TNPO1: variants seen among roughly 807,000 people sequenced by gnomAD.
The protein encoded by TNPO1 is transportin-1.
Under a neutral mutation model 119.5 loss-of-function variants are expected in TNPO1, and 8 were observed. The observed-to-expected ratio is 0.07, with a 90% CI of 0.04 to 0.12. TNPO1 has a LOEUF of 0.12. Ranked by LOEUF, TNPO1 falls within the 10% of genes least tolerant of loss-of-function variation. The probability of loss-of-function intolerance (pLI) is 1.00; values close to 1 mark genes in which losing one functional copy is unlikely to be tolerated. For synonymous variants in TNPO1, 362 were observed against 363.0 expected (o/e 1.00, Z 0.03); for missense variants, 576 against 1,089.8 (o/e 0.53, Z 6.64).
chr5:72,849,896 C>T (rs527646264), intron 2 of TNPO1, among the ~76,000 whole-genome samples: 1 of 152,266 alleles, frequency 6.6e-6, no homozygotes, highest in South Asian at 2.1e-4. Flanking sequence ...TAAGCCCAAT[C>T]CTGCATTGTA....
intron 1 of TNPO1, among the ~76,000 whole-genome samples, chr5:72,825,235 G>C (rs1187613814): frequency 1.3e-5 from 2 of 152,126 alleles, no homozygotes; most frequent in Non-Finnish European, 2.9e-5. Flanking sequence ...ACAGTAGCCA[G>C]AATAAACCTT....
Position 72,903,694 on chromosome 5 carries a change from TCTTG to T in TNPO1, c.2515-10_2515-7del. ...ATACAATATCAACCTAAGATGTATT[TCTTG>T]CTTGTTACAGGATTTTATATTTTTT... On this transcript the variant is annotated splice_polypyrimidine_tract_variant and intron_variant, in intron 22 of 24. Coordinates refer to ENST00000337273, the MANE Select transcript of TNPO1 (RefSeq NM_002270.4). The T allele has an allele frequency of 3.8e-6, 6 of 1,583,594 alleles. No individual in the cohort carries two copies. Among genetic ancestry groups the T allele is most frequent in the Non-Finnish European group, 5.2e-6 (6 of 1,158,948 alleles).
At chr5:72,900,335 T>A (rs775472150) in intron 21 of TNPO1, among the ~76,000 whole-genome samples, 1 of 152,180 alleles carries the variant, frequency 6.6e-6, no homozygotes, top group Non-Finnish European at 1.5e-5. Context: ...TTAAAAAAGC[T>A]TGATTATACA....
At chr5:72,868,149 A>G (rs921799097) in intron 6 of TNPO1, among the ~76,000 whole-genome samples, 5 of 152,106 alleles carry the variant, frequency 3.3e-5, no homozygotes, top group African/African-American at 7.2e-5. Flanking sequence ...AGAGCTTAAT[A>G]TGGCCGGGCG....
chr5:72,901,970 G>A (rs1749827084), intron 22 of TNPO1, among the ~76,000 whole-genome samples: 1 of 152,024 alleles, frequency 6.6e-6, no homozygotes, highest in Non-Finnish European at 1.5e-5. Flanking sequence ...CAGCTCTCGG[G>A]AGGTTGAGGC....
In TNPO1 at chr5:72,911,615, G is replaced by A. The variant is rs879215437; in HGVS notation, c.*2942G>A. The A allele has an allele frequency of 1.3e-5, 2 of 152,596 alleles. No homozygotes were observed. Among genetic ancestry groups the A allele is most frequent in the South Asian group, 4.1e-4 (2 of 4,828 alleles). 9.5% of individuals were successfully genotyped at this position (152,596 alleles called of 1,614,324 possible). ...TGGTGTAGTCTTAATAGTTTTGAATGTTGACTGAATGTCTATAAAATTGTG... is the reference window on the plus strand; with the variant it reads ...TGGTGTAGTCTTAATAGTTTTGAATATTGACTGAATGTCTATAAAATTGTG... On this transcript the variant is annotated 3_prime_UTR_variant, in exon 25 of 25. Coordinates refer to ENST00000337273, the MANE Select transcript of TNPO1 (RefSeq NM_002270.4).
At chr5:72,907,129 T>C (rs573195967) in intron 24 of TNPO1, among the ~76,000 whole-genome samples, 38 of 152,232 alleles carry the variant, frequency 2.5e-4, no homozygotes, top group African/African-American at 8.7e-4. Context: ...ATATGTGTTG[T>C]CCTACTTCAG....
At chr5:72,865,405 G>GCACT (rs1554051527) in intron 5 of TNPO1, among the ~76,000 whole-genome samples, 191 bp from the exon 6 acceptor site, 123,846 of 150,732 alleles carry the variant, frequency 0.82, 51,144 homozygotes, top group Non-Finnish European at 0.86. Flanking sequence ...TGGTGCCACT[G>GCACT]CCAGCCTGGG....
intron 1 of TNPO1, chr5:72,847,993 T>C: frequency 1.1e-6 from 1 of 935,122 alleles, no homozygotes; most frequent in Non-Finnish European, 1.3e-6. Context: ...CTTGACTTTT[T>C]ATTAGCCCTT....
chr5:72,898,737 G>T (rs1356266488), intron 20 of TNPO1, among the ~76,000 whole-genome samples: 1 of 151,998 alleles, frequency 6.6e-6, no homozygotes, highest in African/African-American at 2.4e-5. Context: ...TCATTGGATT[G>T]TTCATACTTG....
chr5:72,905,233 A>G (rs1750061756), intron 23 of TNPO1, 70 bp from the exon 24 acceptor site: 3 of 1,186,814 alleles, frequency 2.5e-6, no homozygotes, highest in Non-Finnish European at 3.7e-6. Flanking sequence ...GCTGTGTTGG[A>G]TTTCAGAAGC....
At chr5:72,883,260 G>A in intron 11 of TNPO1, 28 bp downstream of exon 11, 1 of 1,073,222 alleles carries the variant, frequency 9.3e-7, no homozygotes, top group Non-Finnish European at 1.4e-6. Flanking sequence ...AAGCACAGTT[G>A]CCTACTTTGA....
chr5:72,824,038 C>A (rs1744100281), intron 1 of TNPO1, among the ~76,000 whole-genome samples: 1 of 152,172 alleles, frequency 6.6e-6, no homozygotes. Context: ...ACTCCACATA[C>A]CTCTGGCACT....
At chr5:72,890,913 G>A (rs1749000977) in intron 14 of TNPO1, among the ~76,000 whole-genome samples, 1 of 152,030 alleles carries the variant, frequency 6.6e-6, no homozygotes, top group Admixed American at 6.5e-5. Flanking sequence ...GAGTGCAGTG[G>A]TGTGATCACA....
rs201158166 is a variant in TNPO1 at position 72,865,670 on chromosome 5, T to A, written c.537T>A (p.Pro179=). The change falls in exon 6 of 25, where the codon CCT becomes CCA. Residue 179 remains proline, a synonymous_variant. Coordinates refer to ENST00000337273, the MANE Select transcript of TNPO1 (RefSeq NM_002270.4). ...EILDSDVLDR[P]LNIMIPKFLQ... ...TAGACAGTGATGTTTTAGATCGTCC[T>A]CTCAACATCATGATTCCCAAATTTT... 1 of 1,613,640 alleles carries A rather than the reference T, an allele frequency of 6.2e-7. No homozygotes were observed. Among genetic ancestry groups the A allele is most frequent in the Non-Finnish European group, 8.5e-7 (1 of 1,179,772 alleles).
At chr5:72,861,637 C>T (rs1746455748) in intron 4 of TNPO1, among the ~76,000 whole-genome samples, 171 bp from the exon 5 acceptor site, 1 of 152,180 alleles carries the variant, frequency 6.6e-6, no homozygotes, top group Non-Finnish European at 1.5e-5. Context: ...TTCCTGGGCT[C>T]AAGAGATCTG....
chr5:72,816,848 G>A (rs1743714231), intron 1 of TNPO1, 96 bp downstream of exon 1: 1 of 1,428,770 alleles, frequency 7.0e-7, no homozygotes, highest in African/African-American at 1.5e-5. Flanking sequence ...AGAGACGCCG[G>A]GCTCGCCCGC....
intron 20 of TNPO1, among the ~76,000 whole-genome samples, chr5:72,898,898 T>TA (rs1749629409): frequency 6.6e-6 from 1 of 152,168 alleles, no homozygotes; most frequent in African/African-American, 2.4e-5. Flanking sequence ...ACCCTTTTTT[T>TA]ATGAAAGGTT....
Position 72,908,727 on chromosome 5 carries a change from C to A in TNPO1, c.*54C>A. 5.6e-6 allele frequency: 1 copy of A among 179,708 alleles called. No individual in the cohort carries two copies. Among genetic ancestry groups the A allele is most frequent in the South Asian group, 8.7e-5 (1 of 11,536 alleles). 11.1% of individuals were successfully genotyped at this position (179,708 alleles called of 1,614,324 possible). A position where few individuals can be genotyped will look rare whatever the true frequency, so the allele number is the denominator to read the frequency against. On this transcript the variant is annotated 3_prime_UTR_variant, in exon 25 of 25. Coordinates refer to ENST00000337273, the MANE Select transcript of TNPO1 (RefSeq NM_002270.4). ...CTTATAGGTCCTTCAGTCTTGGAGA[C>A]TATAAGGGAGCCTCTGCACCCAGGG... is the stretch of plus-strand genomic sequence containing the variant.
Sources: gnomAD v4.1 joint callset for allele counts (sites outside exome capture counted in the v4.1 genomes callset) on GRCh38, gnomAD v4.1.1 for gene constraint, MANE v1.5 for transcripts, NCBI Gene and HGNC (gene_info 2026-07-23, HGNC 2026-07-21) for gene names.